Variants in MTMR12 observed in about 807,000 individuals in gnomAD.
MTMR12 encodes myotubularin related protein 12, also known as myotubularin-related protein 12.
A neutral mutation model predicts 96.7 loss-of-function variants in MTMR12; 33 were observed. The ratio of observed to expected loss-of-function variants is 0.34; its 90% confidence interval spans 0.26 to 0.46. MTMR12 has a LOEUF of 0.46. Ranked by LOEUF, MTMR12 falls within the 20% of genes least tolerant of loss-of-function variation. The pLI is 1.00. For missense variants in MTMR12, 721 were observed against 896.1 expected (o/e 0.80, Z 2.49); for synonymous variants, 298 against 327.2 (o/e 0.91, Z 0.96).
intron 11 of MTMR12, 72 bp downstream of exon 11, chr5:32,243,445 ATTAT>A (rs1447973698): frequency 2.0e-6 from 2 of 1,022,884 alleles, no homozygotes; most frequent in Admixed American, 2.1e-5. Context: ...AAACAGTTAA[ATTAT>A]TTGTCGGTTT....
intron 3 of MTMR12, among the ~76,000 whole-genome samples, chr5:32,272,277 C>A (rs766794809): frequency 6.6e-6 from 1 of 151,688 alleles, no homozygotes; most frequent in Non-Finnish European, 1.5e-5. Flanking sequence ...GGTGACAGAA[C>A]GAGACTCTGT....
At chr5:32,234,338 C>T (rs562249221) in intron 14 of MTMR12, among the ~76,000 whole-genome samples, 1 of 152,224 alleles carries the variant, frequency 6.6e-6, no homozygotes, top group South Asian at 2.1e-4. Context: ...GGTAATCCTC[C>T]CAGCTCAAGC....
intron 8 of MTMR12, 79 bp downstream of exon 8, chr5:32,255,614 A>AG: frequency 7.6e-7 from 1 of 1,316,234 alleles, no homozygotes. Context: ...AACAAAAGCC[A>AG]AGGGCTTTCA....
intron 6 of MTMR12, 24 bp from the exon 7 acceptor site, chr5:32,263,266 C>T (rs1161851287): frequency 1.2e-6 from 2 of 1,612,226 alleles, no homozygotes; most frequent in Non-Finnish European, 1.7e-6. Flanking sequence ...ATGTAAAAGA[C>T]AATAAAATCT....
chr5:32,281,985 G>A (rs1236501139), intron 1 of MTMR12, among the ~76,000 whole-genome samples: 1 of 151,934 alleles, frequency 6.6e-6, no homozygotes, highest in Admixed American at 6.6e-5. Context: ...TACTAATTTT[G>A]TTGACAGTAG....
intron 6 of MTMR12, among the ~76,000 whole-genome samples, chr5:32,264,522 G>A (rs909665855): frequency 4.6e-5 from 7 of 151,568 alleles, no homozygotes; most frequent in Non-Finnish European, 1.5e-5. Context: ...GTGCAGCGGC[G>A]TGATCTCAGC....
Position 32,252,548 on chromosome 5 carries a change from G to A in MTMR12, c.789+3145C>T, listed in dbSNP as rs1193234076. Among the ~76,000 whole-genome samples, 5 of 152,150 alleles carry A rather than the reference G, an allele frequency of 3.3e-5. No homozygotes were observed. The South Asian group carries it at 1.0e-3, about 32-fold the overall frequency. On this transcript the variant is annotated intron_variant, in intron 8 of 15. Coordinates refer to ENST00000382142, the MANE Select transcript of MTMR12 (RefSeq NM_001040446.3). Reference sequence around the variant, plus strand: ...GTACATGCAATCTTGCAGATCAGTGGTTCTCAAACTTTTTGATCTTAGACC... The same window carrying A: ...GTACATGCAATCTTGCAGATCAGTGATTCTCAAACTTTTTGATCTTAGACC...
Position 32,243,537 on chromosome 5 carries a change from A to G in MTMR12, c.1084T>C (p.Trp362Arg). Residue 362 changes from tryptophan to arginine, a missense_variant, in exon 11 of 16, where the codon TGG becomes CGG. Trp to Arg is a moderately radical substitution (Grantham distance 101). Coordinates refer to ENST00000382142, the MANE Select transcript of MTMR12 (RefSeq NM_001040446.3). ...TTGAAATACCTGATTATGTCAAGCC[A>G]GCTGCTACTTTCCAACAGAGAAAAC... ...KWFSLLESSS[W>R]LDIIRRCLKK... 1.2e-6 allele frequency: 2 copies of G among 1,611,698 alleles called. No homozygotes were observed. The highest frequency in any genetic ancestry group is 8.5e-7 in the Non-Finnish European group (1 of 1,178,022).
At chr5:32,277,977 G>T (rs962418296) in intron 1 of MTMR12, among the ~76,000 whole-genome samples, 4 of 152,210 alleles carry the variant, frequency 2.6e-5, no homozygotes, top group African/African-American at 9.7e-5. Context: ...AAGGGATACA[G>T]TCATTTCTAA....
rs57597487 is a variant in MTMR12, at chr5:32,284,317, C to CAAA, written c.82-7578_82-7576dup. Among the ~76,000 whole-genome samples the CAAA allele has an allele frequency of 9.2e-3, 434 of 47,190 alleles. 9 individuals carry two copies. Among genetic ancestry groups the CAAA allele is most frequent in the African/African-American group, 0.029 (398 of 13,690 alleles). 31.0% of individuals were successfully genotyped at this position (47,190 alleles called of 152,430 possible). On this transcript the variant is annotated intron_variant, in intron 1 of 15. Coordinates refer to ENST00000382142, the MANE Select transcript of MTMR12 (RefSeq NM_001040446.3). ...TGGGTGACAGAACAAGACCCTGTCT[C>CAAA]AAAAAAAAAAAAAAAAAAAAAGAAT...
intron 5 of MTMR12, among the ~76,000 whole-genome samples, 200 bp downstream of exon 5, chr5:32,270,617 T>G (rs1749793063): frequency 6.6e-6 from 1 of 152,214 alleles, no homozygotes; most frequent in South Asian, 2.1e-4. Flanking sequence ...GTATTAAAGG[T>G]AGCATGTGCC....
intron 7 of MTMR12, among the ~76,000 whole-genome samples, chr5:32,261,147 C>T (rs1749348120): frequency 6.6e-6 from 1 of 151,602 alleles, no homozygotes; most frequent in Non-Finnish European, 1.5e-5. Flanking sequence ...GCAGGAGAAT[C>T]ACTTGAACCC....
At chr5:32,276,049 T>C (rs2112093721) in intron 2 of MTMR12, among the ~76,000 whole-genome samples, 1 of 152,352 alleles carries the variant, frequency 6.6e-6, no homozygotes, top group East Asian at 1.9e-4. Context: ...ATTAAATACA[T>C]GGATCACAGA....
intron 1 of MTMR12, among the ~76,000 whole-genome samples, chr5:32,298,260 T>C (rs879260460): frequency 5.9e-5 from 9 of 152,038 alleles, no homozygotes; most frequent in Non-Finnish European, 1.3e-4. Context: ...AAGGTGGCCA[T>C]GGAAACACAG....
At chr5:32,277,695 T>C (rs1750112395) in intron 1 of MTMR12, among the ~76,000 whole-genome samples, 1 of 142,196 alleles carries the variant, frequency 7.0e-6, no homozygotes, top group African/African-American at 3.0e-5. Flanking sequence ...GGACTCTGTC[T>C]CAAAAAAAAA....
intron 1 of MTMR12, among the ~76,000 whole-genome samples, chr5:32,277,709 AAAAG>A (rs951049517): frequency 5.9e-5 from 9 of 152,156 alleles, no homozygotes; most frequent in African/African-American, 1.2e-4. Context: ...AAAAAAAAGA[AAAAG>A]AAAGAAAGAA....
intron 1 of MTMR12, among the ~76,000 whole-genome samples, chr5:32,307,297 C>T (rs187878973): frequency 6.6e-6 from 1 of 152,068 alleles, no homozygotes; most frequent in Admixed American, 6.6e-5. Flanking sequence ...GGATTTGGTA[C>T]CCAAACTATA....
At chr5:32,268,647 T>C in intron 6 of MTMR12, 54 bp downstream of exon 6, 8 of 1,460,984 alleles carry the variant, frequency 5.5e-6, no homozygotes. Flanking sequence ...TGGCTTCAGG[T>C]GGGAATTGGA....
intron 1 of MTMR12, among the ~76,000 whole-genome samples, chr5:32,293,980 C>G (rs1024388906): frequency 9.9e-5 from 15 of 152,230 alleles, no homozygotes; most frequent in Admixed American, 3.3e-4. Context: ...CTGCCTCTCA[C>G]AGCCTGTGCT....
Sources: gnomAD v4.1 joint callset for allele counts (sites outside exome capture counted in the v4.1 genomes callset) on GRCh38, gnomAD v4.1.1 for gene constraint, MANE v1.5 for transcripts, NCBI Gene and HGNC (gene_info 2026-07-23, HGNC 2026-07-21) for gene names.